The following ACSL1 variants were observed in gnomAD, a reference collection of about 807,000 sequenced individuals.
The protein encoded by ACSL1 is long-chain-fatty-acid--CoA ligase 1.
ACSL1 carries 41 observed loss-of-function variants against 98.4 expected under a neutral mutation model. The observed-to-expected ratio is 0.42, with a 90% CI of 0.32 to 0.54. The LOEUF (loss-of-function observed/expected upper bound fraction) is 0.54. Among genes scored for constraint, ACSL1 ranks in the 20% least tolerant of loss-of-function variants. ACSL1 has a pLI of 0.13. For synonymous variants in ACSL1, 316 were observed against 322.7 expected (o/e 0.98, Z 0.22); for missense variants, 734 against 883.1 (o/e 0.83, Z 2.14).
At chr4:184,801,956 G>C (rs1770598648) in intron 2 of ACSL1, among the ~76,000 whole-genome samples, 1 of 152,184 alleles carries the variant, frequency 6.6e-6, no homozygotes, top group Non-Finnish European at 1.5e-5. Flanking sequence ...CACTGCACTT[G>C]CCAACAACTC....
In ACSL1 at chr4:184,825,918, C is replaced by T. The variant is rs1773450560; in HGVS notation, c.-35G>A. On this transcript the variant is annotated splice_region_variant and 5_prime_UTR_variant, in exon 1 of 21. Transcript: ENST00000281455. This position sits in a 1 kb window ranked among gnomAD's most constrained non-coding sequence, Gnocchi z 4.7. ...CTCCGCACGGCGGGCGCACTCACCTCCTCCGTGGACCGGCCGCTCCGCCGC... is the reference window on the plus strand; with the variant it reads ...CTCCGCACGGCGGGCGCACTCACCTTCTCCGTGGACCGGCCGCTCCGCCGC... 3 of 148,434 alleles carry T rather than the reference C, an allele frequency of 2.0e-5. No homozygotes were observed. The highest frequency in any genetic ancestry group is 6.7e-5 in the Admixed American group (1 of 14,946). The allele number at this position is 148,434 out of a possible 1,614,324, so 9.2% of individuals were successfully genotyped here. A position where few individuals can be genotyped will look rare whatever the true frequency, so the allele number is the denominator to read the frequency against.
At chr4:184,769,077 A>G (rs1764098965) in intron 11 of ACSL1, among the ~76,000 whole-genome samples, 1 of 81,708 alleles carries the variant, frequency 1.2e-5, no homozygotes, top group South Asian at 3.5e-4. Flanking sequence ...TCAAATATAT[A>G]TATATATATA....
rs374307999 is a variant in ACSL1 at position 184,765,873 on chromosome 4, C to A, written c.1359+18G>T. ...CATCCTAGTGTGGGAGAATCAGGCG[C>A]CGTGACATCCACCTCACCTGACAGC... On this transcript the variant is annotated intron_variant, in intron 14 of 20. Coordinates refer to ENST00000281455, the MANE Select transcript of ACSL1 (RefSeq NM_001995.5). 6.2e-7 allele frequency: 1 copy of A among 1,607,700 alleles called. No individual in the cohort carries two copies. Among genetic ancestry groups the A allele is most frequent in the Non-Finnish European group, 8.5e-7 (1 of 1,175,544 alleles).
Position 184,757,140 on chromosome 4 carries a change from G to A in ACSL1, c.2082C>T (p.Ser694=), listed in dbSNP as rs902018121. ...CTTCTTCACACTAAACCTTGATAGT[G>A]GAATAGAGGTCATCTATCTGCGACC... The part of the protein sequence containing the change: ...YFRSQIDDLY[S]TIKV The change falls in exon 21 of 21, where the codon TCC becomes TCT. Residue 694 remains serine (S), a synonymous_variant. Transcript: ENST00000281455. This position sits in a 1 kb window ranked among gnomAD's most constrained non-coding sequence, Gnocchi z 4.5. 2 of 1,593,980 alleles carry A rather than the reference G, an allele frequency of 1.3e-6. No homozygotes were observed. The highest frequency in any genetic ancestry group is 1.7e-6 in the Non-Finnish European group (2 of 1,163,576).
chr4:184,815,010 G>T (rs1159857834), intron 1 of ACSL1: 1 of 456,010 alleles, frequency 2.2e-6, no homozygotes, highest in Non-Finnish European at 4.4e-6. Flanking sequence ...GGTTTTCTTT[G>T]CCTTCAGCAA....
intron 17 of ACSL1, 34 bp downstream of exon 17, chr4:184,762,373 G>T: frequency 6.5e-7 from 1 of 1,541,314 alleles, no homozygotes; most frequent in South Asian, 1.1e-5. Context: ...CAGTGGAACT[G>T]AACTGTTTGT....
intron 1 of ACSL1, among the ~76,000 whole-genome samples, chr4:184,811,324 G>C (rs143738562): frequency 6.6e-6 from 1 of 152,052 alleles, no homozygotes; most frequent in Non-Finnish European, 1.5e-5. Context: ...GTGTTGGCCA[G>C]GATGGTCTCG....
Position 184,777,000 on chromosome 4 carries a change from G to T in ACSL1, c.478-17C>A. On this transcript the variant is annotated splice_polypyrimidine_tract_variant and intron_variant, in intron 5 of 20. Coordinates refer to ENST00000281455, the MANE Select transcript of ACSL1 (RefSeq NM_001995.5). ...AATCACCCACTAAACAAACAGTAAAGGTCAGGGAGAGAAAACAGGATGTCA... is the reference window on the plus strand; with the variant it reads ...AATCACCCACTAAACAAACAGTAAATGTCAGGGAGAGAAAACAGGATGTCA... 6.2e-7 allele frequency: 1 copy of T among 1,607,694 alleles called. No homozygotes were observed. The highest frequency in any genetic ancestry group is 1.7e-5 in the Admixed American group (1 of 59,944).
chr4:184,760,208 A>C, intron 18 of ACSL1, 149 bp downstream of exon 18: 2 of 932,068 alleles, frequency 2.1e-6, no homozygotes, highest in Non-Finnish European at 3.2e-6. Flanking sequence ...AAGCAACAAA[A>C]ATCAGTAACA....
In ACSL1 at chr4:184,766,798, A is replaced by C. The variant is rs1763677802; in HGVS notation, c.1129-42T>G. The C allele has an allele frequency of 6.3e-7, 1 of 1,589,202 alleles. No individual in the cohort carries two copies. Among genetic ancestry groups the C allele is most frequent in the Non-Finnish European group, 8.6e-7 (1 of 1,162,016 alleles). Reference sequence around the variant, plus strand: ...TGAGAAAGTTTTCACACCTACTAGGATGGCCAGAGTCAAAGAGTGTGGAGA... The same window carrying C: ...TGAGAAAGTTTTCACACCTACTAGGCTGGCCAGAGTCAAAGAGTGTGGAGA... On this transcript the variant is annotated intron_variant, in intron 12 of 20. Coordinates refer to ENST00000281455, the MANE Select transcript of ACSL1 (RefSeq NM_001995.5). This position sits in a 1 kb window ranked among gnomAD's most constrained non-coding sequence, Gnocchi z 4.8.
At position 184,777,341 on chromosome 4, in the gene ACSL1, G is replaced by A. The variant is rs372513408; in HGVS notation, c.478-358C>T. Among the ~76,000 whole-genome samples, 10 of 152,062 alleles carry A rather than the reference G, an allele frequency of 6.6e-5. No homozygotes were observed. In the East Asian group the frequency reaches 9.7e-4, roughly 15 times the overall value. On this transcript the variant is annotated intron_variant, in intron 5 of 20. Coordinates refer to ENST00000281455, the MANE Select transcript of ACSL1 (RefSeq NM_001995.5). ...TGGACATGGTGGCACACACCATGTCGCAGCTACTTGAGAGGCTGAGGCGGG... is the reference window on the plus strand; with the variant it reads ...TGGACATGGTGGCACACACCATGTCACAGCTACTTGAGAGGCTGAGGCGGG...
chr4:184,782,468 G>A (rs938412350), intron 4 of ACSL1, among the ~76,000 whole-genome samples: 4 of 152,032 alleles, frequency 2.6e-5, no homozygotes, highest in Admixed American at 6.5e-5. Flanking sequence ...CCTTGAAAAC[G>A]CCTATCTGCA....
intron 2 of ACSL1, among the ~76,000 whole-genome samples, chr4:184,797,480 T>C (rs1427528334): frequency 6.6e-6 from 1 of 152,210 alleles, no homozygotes; most frequent in East Asian, 1.9e-4. Flanking sequence ...AGGATGCCAG[T>C]CCTTGTTGCA....
At chr4:184,811,094 G>A (rs1772016952) in intron 1 of ACSL1, among the ~76,000 whole-genome samples, 1 of 152,022 alleles carries the variant, frequency 6.6e-6, no homozygotes, top group Non-Finnish European at 1.5e-5. Context: ...GACAAGCCAC[G>A]ATGCACAATG....
intron 7 of ACSL1, 48 bp downstream of exon 7, chr4:184,776,436 C>A (rs769022681): frequency 2.5e-6 from 4 of 1,579,192 alleles, no homozygotes; most frequent in South Asian, 1.2e-5. Flanking sequence ...TGAGCCAACA[C>A]GGCCCCAGGG....
chr4:184,788,755 G>C (rs370519940), intron 2 of ACSL1, 24 bp from the exon 3 acceptor site: 3 of 1,594,816 alleles, frequency 1.9e-6, no homozygotes, highest in Non-Finnish European at 2.6e-6. Flanking sequence ...AAGGGGGGCA[G>C]GTTAGAAGGC....
At chr4:184,813,336 A>G (rs1167967549) in intron 1 of ACSL1, among the ~76,000 whole-genome samples, 6 of 152,246 alleles carry the variant, frequency 3.9e-5, no homozygotes, top group Non-Finnish European at 7.3e-5. Flanking sequence ...AATGAGGCAG[A>G]TAAGTTTACT....
intron 7 of ACSL1, among the ~76,000 whole-genome samples, chr4:184,774,795 T>G (rs199999891): frequency 1.1e-5 from 1 of 90,234 alleles, no homozygotes; most frequent in Non-Finnish European, 2.5e-5. Context: ...CAGCATACAT[T>G]AAGTTTTCAA....
rs193025131 is a variant in ACSL1, at chr4:184,821,044, T to C, written c.-33+4872A>G. The C allele has an allele frequency of 2.2e-5, 10 of 456,286 alleles. No individual in the cohort carries two copies. In the East Asian group the frequency reaches 6.9e-4, roughly 32 times the overall value. 28.3% of individuals were successfully genotyped at this position (456,286 alleles called of 1,614,324 possible). A position where few individuals can be genotyped will look rare whatever the true frequency, so the allele number is the denominator to read the frequency against. On this transcript the variant is annotated intron_variant, in intron 1 of 20. Transcript: ENST00000281455. ...ACCTGTTCCTTTATCTTGTGTACAGTAAGGATAGCAGCAGGACCTACCTTA... is the reference window on the plus strand; with the variant it reads ...ACCTGTTCCTTTATCTTGTGTACAGCAAGGATAGCAGCAGGACCTACCTTA...
Sources: allele counts gnomAD v4.1 joint callset (sites outside exome capture counted in the v4.1 genomes callset), GRCh38; gene constraint gnomAD v4.1.1; non-coding constraint Gnocchi (gnomAD v3.1); transcripts MANE v1.5; gene names NCBI Gene and HGNC (gene_info 2026-07-23, HGNC 2026-07-21).